Variants in SIRPB2 observed in about 807,000 individuals in gnomAD.
The protein encoded by SIRPB2 is signal-regulatory protein beta-2.
A neutral mutation model predicts 27.1 loss-of-function variants in SIRPB2; 18 were observed. The observed-to-expected ratio is 0.66, with a 90% CI of 0.46 to 0.98. The LOEUF is 0.98. Among genes scored for constraint, SIRPB2 ranks in the 50% least tolerant of loss-of-function variants. SIRPB2 has a pLI of 0.00. For synonymous variants in SIRPB2, 150 were observed against 164.6 expected, an observed-to-expected ratio of 0.91 and a Z score of 0.68; for missense variants, 420 against 417.4, an observed-to-expected ratio of 1.01 and a Z score of -0.06.
chr20:1,476,399 A>G, intron 4 of SIRPB2, 63 bp from the exon 5 acceptor site: 1 of 1,506,900 alleles, frequency 6.6e-7, no homozygotes, highest in Non-Finnish European at 9.0e-7. Context: ...CCCACGCCTC[A>G]TTGCTGCCCA....
At chr20:1,477,125 A>T (rs1032508782) in intron 4 of SIRPB2, 2 of 1,525,758 alleles carry the variant, frequency 1.3e-6, no homozygotes, top group Non-Finnish European at 8.8e-7. Context: ...AAACAGTTAC[A>T]TGGCCCTGGC....
At chr20:1,477,004 A>C (rs1265929731) in intron 4 of SIRPB2, 1 of 1,265,054 alleles carries the variant, frequency 7.9e-7, no homozygotes, top group African/African-American at 1.5e-5. Flanking sequence ...TCCATCCAGG[A>C]GGCTTAGCTA....
chr20:1,489,641 A>G (rs1318002282), intron 1 of SIRPB2, among the ~76,000 whole-genome samples: 4 of 152,000 alleles, frequency 2.6e-5, no homozygotes, highest in African/African-American at 9.7e-5. Context: ...TTGTCAGTGG[A>G]GCTGGACCTT....
chr20:1,476,981 A>C (rs1056846110), intron 4 of SIRPB2: 1 of 1,229,944 alleles, frequency 8.1e-7, no homozygotes, highest in Non-Finnish European at 1.0e-6. Flanking sequence ...TGCCCATTAC[A>C]CTAGGAAGGG....
downstream of SIRPB2, chr20:1,471,015 C>CTT (rs1419454529): frequency 6.6e-6 from 1 of 152,242 alleles, no homozygotes; most frequent in Non-Finnish European, 1.5e-5. Flanking sequence ...CAGCCCACTC[C>CTT]TTTCTAGGAA....
At chr20:1,490,227 T>C (rs889462370) in intron 1 of SIRPB2, among the ~76,000 whole-genome samples, 1 of 152,154 alleles carries the variant, frequency 6.6e-6, no homozygotes, top group African/African-American at 2.4e-5. Flanking sequence ...GCTTAGAGAA[T>C]TGAAGTGGTG....
intron 1 of SIRPB2, among the ~76,000 whole-genome samples, chr20:1,480,771 T>A (rs537513212): frequency 6.6e-6 from 1 of 152,298 alleles, no homozygotes; most frequent in East Asian, 1.9e-4. Flanking sequence ...CAGGCCATGC[T>A]ACTTTGTTAT....
At chr20:1,487,928 T>C (rs1387618030) in intron 1 of SIRPB2, among the ~76,000 whole-genome samples, 1 of 152,194 alleles carries the variant, frequency 6.6e-6, no homozygotes, top group Non-Finnish European at 1.5e-5. Flanking sequence ...TCTCAAACTA[T>C]ATAAAAATTA....
chr20:1,476,379 G>GGCC, intron 4 of SIRPB2, 43 bp from the exon 5 acceptor site: 1 of 1,582,218 alleles, frequency 6.3e-7, no homozygotes, highest in Non-Finnish European at 8.6e-7. Flanking sequence ...CCGTGGTGAG[G>GGCC]GCCCCACAGC....
At chr20:1,485,412 A>G (rs1336185640) in intron 1 of SIRPB2, among the ~76,000 whole-genome samples, 1 of 152,210 alleles carries the variant, frequency 6.6e-6, no homozygotes, top group Non-Finnish European at 1.5e-5. Flanking sequence ...AAATATTTTG[A>G]ACTGAAGGAA....
downstream of SIRPB2, chr20:1,473,380 GCACA>G (rs767387236): frequency 6.5e-6 from 1 of 154,942 alleles, no homozygotes; most frequent in African/African-American, 2.4e-5. Context: ...ACGCACACAT[GCACA>G]CACGCACACA....
chr20:1,480,275 A>G (rs951011866), intron 1 of SIRPB2: 9 of 601,006 alleles, frequency 1.5e-5, no homozygotes, highest in Admixed American at 3.2e-5. Context: ...CAAACAATAA[A>G]TAACACTCAA....
chr20:1,491,133 G>C (rs981300961), intron 1 of SIRPB2, 142 bp downstream of exon 1: 4 of 651,152 alleles, frequency 6.1e-6, no homozygotes, highest in Non-Finnish European at 1.0e-5. Context: ...GCCCTCTGCC[G>C]GAGTCAGGCA....
At chr20:1,478,840 G>C (rs1444371480) in intron 2 of SIRPB2, among the ~76,000 whole-genome samples, 1 of 152,212 alleles carries the variant, frequency 6.6e-6, no homozygotes, top group Non-Finnish European at 1.5e-5. Context: ...ACAAGTGCCC[G>C]GCCCTGAAGC....
In SIRPB2 at chr20:1,477,322, A is replaced by G. The variant is rs1296983148; in HGVS notation, c.859+16T>C. 1 of 1,614,106 alleles carries G rather than the reference A, an allele frequency of 6.2e-7. No individual in the cohort carries two copies. Among genetic ancestry groups the G allele is most frequent in the Non-Finnish European group, 8.5e-7 (1 of 1,180,044 alleles). Reference sequence around the variant, plus strand: ...TGTGGGGGACTCATTGACTCCACTGAGGTGGGTACGCTCACCTGTTGGAGA... The same window carrying G: ...TGTGGGGGACTCATTGACTCCACTGGGGTGGGTACGCTCACCTGTTGGAGA... On this transcript the variant is annotated intron_variant, in intron 4 of 4. Transcript: ENST00000359801.
At chr20:1,479,502 C>G in intron 2 of SIRPB2, 198 bp downstream of exon 2, 1 of 805,460 alleles carries the variant, frequency 1.2e-6, no homozygotes, top group Non-Finnish European at 2.0e-6. Context: ...TAGTTGCTAC[C>G]TCTCCAGCCT....
chr20:1,476,465 T>G, intron 4 of SIRPB2, 129 bp from the exon 5 acceptor site: 16 of 1,030,008 alleles, frequency 1.6e-5, no homozygotes, highest in Non-Finnish European at 1.9e-5. Context: ...CCTTTCTACA[T>G]TGAAAGAGGA....
rs999724057 is a variant in SIRPB2, at chr20:1,475,765, A to C, written c.*402T>G. 3 of 140,404 alleles carry C rather than the reference A, an allele frequency of 2.1e-5. No homozygotes were observed. The highest frequency in any genetic ancestry group is 2.2e-4 in the South Asian group (1 of 4,616). The allele number at this position is 140,404 out of a possible 1,614,324, so 8.7% of individuals were successfully genotyped here. A position where few individuals can be genotyped will look rare whatever the true frequency, so the allele number is the denominator to read the frequency against. ...GAGAAAGGTGTAGATGGAGGGGCAC[A>C]GATGGTCTGGCTGGTTGAGTTCAGA... On this transcript the variant is annotated 3_prime_UTR_variant, in exon 5 of 5. Transcript: ENST00000359801.
chr20:1,486,077 T>TTTTCTTTTCTTTTC lies in SIRPB2; in HGVS notation c.85+5197_85+5198insGAAAAGAAAAGAAA, dbSNP rs200648918. 1.7e-3 allele frequency among the ~76,000 whole-genome samples: 227 copies of TTTTCTTTTCTTTTC among 135,738 alleles called. No individual in the cohort carries two copies. The South Asian group carries it at 0.021, about 13-fold the overall frequency. The allele number at this position is 135,738 out of a possible 152,430, so 89.0% of individuals were successfully genotyped here. ...TATCTTTTTCTTTTCTTTTCTTTTC[T>TTTTCTTTTCTTTTC]TTTTTTTTTTTTTGAGACAGGGCCT... On this transcript the variant is annotated intron_variant, in intron 1 of 4. Coordinates refer to ENST00000359801, the MANE Select transcript of SIRPB2 (RefSeq NM_001122962.2).
Sources: gnomAD v4.1 joint callset for allele counts (sites outside exome capture counted in the v4.1 genomes callset) on GRCh38, gnomAD v4.1.1 for gene constraint, MANE v1.5 for transcripts, NCBI Gene and HGNC (gene_info 2026-07-23, HGNC 2026-07-21) for gene names.